SDCCAG8: variants seen among roughly 807,000 people sequenced by gnomAD.
SDCCAG8 encodes the protein serologically defined colon cancer antigen 8.
A neutral mutation model predicts 101.8 loss-of-function variants in SDCCAG8; 74 were observed. The observed-to-expected ratio is 0.73, with a 90% CI of 0.60 to 0.88. The LOEUF is 0.88. Ranked by LOEUF, SDCCAG8 falls within the 40% of genes least tolerant of loss-of-function variation. The probability of loss-of-function intolerance (pLI) is 0.00; values close to 1 mark genes in which losing one functional copy is unlikely to be tolerated. For synonymous variants in SDCCAG8, 281 were observed against 292.9 expected, an observed-to-expected ratio of 0.96 and a Z score of 0.41; for missense variants, 787 against 822.6, an observed-to-expected ratio of 0.96 and a Z score of 0.53.
At chr1:243,257,646 G>T (rs534791540) in intron 1 of SDCCAG8, among the ~76,000 whole-genome samples, 3 of 152,222 alleles carry the variant, frequency 2.0e-5, no homozygotes, top group African/African-American at 7.2e-5. Context: ...TTTTATAAGG[G>T]TTACTATGTA....
intron 12 of SDCCAG8, among the ~76,000 whole-genome samples, chr1:243,367,632 C>T (rs940322936): frequency 6.6e-6 from 1 of 151,660 alleles, no homozygotes; most frequent in Admixed American, 6.6e-5. Context: ...AGGAAGGAGT[C>T]CCAGTTTCTT....
intron 8 of SDCCAG8, among the ~76,000 whole-genome samples, chr1:243,309,440 C>G (rs556344913): frequency 9.2e-5 from 14 of 152,164 alleles, no homozygotes; most frequent in African/African-American, 3.4e-4. Flanking sequence ...TCTATACTCC[C>G]AAGAATGATC....
intron 13 of SDCCAG8, among the ~76,000 whole-genome samples, chr1:243,400,805 C>T (rs1259304686): frequency 6.6e-6 from 1 of 152,152 alleles, no homozygotes; most frequent in Non-Finnish European, 1.5e-5. Context: ...TGTGGATGCT[C>T]TCCTGTATAA....
At chr1:243,339,442 G>T (rs2075254714) in intron 10 of SDCCAG8, among the ~76,000 whole-genome samples, 1 of 152,012 alleles carries the variant, frequency 6.6e-6, no homozygotes, top group East Asian at 1.9e-4. Flanking sequence ...AAATGAAATT[G>T]ATATTTTTGA....
chr1:243,456,347 C>A (rs1052925830), intron 16 of SDCCAG8, among the ~76,000 whole-genome samples: 2 of 152,072 alleles, frequency 1.3e-5, no homozygotes, highest in African/African-American at 4.8e-5. Context: ...GGTCACTGGG[C>A]TTTTCAGGTT....
At chr1:243,383,748 A>T (rs1289434682) in intron 13 of SDCCAG8, among the ~76,000 whole-genome samples, 5 of 152,168 alleles carry the variant, frequency 3.3e-5, no homozygotes, top group Non-Finnish European at 7.4e-5. Flanking sequence ...CCACTCTATT[A>T]GAGAAAGGCA....
intron 17 of SDCCAG8, among the ~76,000 whole-genome samples, chr1:243,492,087 G>C (rs1666572429): frequency 6.6e-6 from 1 of 151,994 alleles, no homozygotes; most frequent in Non-Finnish European, 1.5e-5. Context: ...GAAGTGTCTA[G>C]CCTGTTGGCA....
intron 16 of SDCCAG8, among the ~76,000 whole-genome samples, chr1:243,436,929 C>A (rs1558467202): frequency 6.6e-6 from 1 of 152,076 alleles, no homozygotes; most frequent in Non-Finnish European, 1.5e-5. Flanking sequence ...AATTTCTGTT[C>A]TTATATCAGA....
intron 16 of SDCCAG8, among the ~76,000 whole-genome samples, chr1:243,484,062 G>C (rs1035385784): frequency 6.6e-6 from 1 of 152,142 alleles, no homozygotes; most frequent in African/African-American, 2.4e-5. Flanking sequence ...TTGCATAGCT[G>C]CCTGGTGGGT....
intron 16 of SDCCAG8, among the ~76,000 whole-genome samples, chr1:243,461,790 A>G (rs1187155408): frequency 6.6e-6 from 1 of 152,120 alleles, no homozygotes; most frequent in Non-Finnish European, 1.5e-5. Context: ...GCGTCAAGGG[A>G]GGTGTTTTCT....
intron 9 of SDCCAG8, among the ~76,000 whole-genome samples, chr1:243,327,000 C>T (rs1168883591): frequency 1.3e-5 from 2 of 152,088 alleles, no homozygotes; most frequent in South Asian, 2.1e-4. Flanking sequence ...CACAGAATGA[C>T]CACAGCTAAA....
At chr1:243,267,925 T>C (rs2067762248) in intron 1 of SDCCAG8, 1 of 834,520 alleles carries the variant, frequency 1.2e-6, no homozygotes, top group South Asian at 1.3e-5. Context: ...TGTGGTAAGG[T>C]GGGCCCAGCT....
In SDCCAG8 at chr1:243,486,628, G is replaced by A. The variant is rs192800881; in HGVS notation, c.1986-2386G>A. 2.6e-5 allele frequency among the ~76,000 whole-genome samples: 4 copies of A among 152,366 alleles called. No individual in the cohort carries two copies. The East Asian group carries it at 5.8e-4, about 22-fold the overall frequency. ...GGAGCCAGGGTGGCCGGCCGTGACC[G>A]GTGTTTATGCTGTGAGAGCGGCTTT... On this transcript the variant is annotated intron_variant, in intron 16 of 17. Coordinates refer to ENST00000366541, the MANE Select transcript of SDCCAG8 (RefSeq NM_006642.5).
At chr1:243,285,443 A>G (rs1048675289) in intron 4 of SDCCAG8, among the ~76,000 whole-genome samples, 1 of 152,220 alleles carries the variant, frequency 6.6e-6, no homozygotes, top group Non-Finnish European at 1.5e-5. Context: ...AGCTCATTAC[A>G]TTCCAGACTG....
intron 16 of SDCCAG8, among the ~76,000 whole-genome samples, chr1:243,461,955 A>G (rs1659206657): frequency 1.3e-5 from 2 of 152,106 alleles, no homozygotes; most frequent in Admixed American, 1.3e-4. Context: ...TACCTAATAT[A>G]TTTTGGTAGC....
At chr1:243,479,904 G>A (rs933343589) in intron 16 of SDCCAG8, among the ~76,000 whole-genome samples, 1 of 151,736 alleles carries the variant, frequency 6.6e-6, no homozygotes, top group African/African-American at 2.4e-5. Flanking sequence ...GTCATCCAGG[G>A]GCCTTATTAA....
intron 12 of SDCCAG8, among the ~76,000 whole-genome samples, chr1:243,347,809 A>G (rs2075807429): frequency 6.6e-6 from 1 of 152,244 alleles, no homozygotes; most frequent in African/African-American, 2.4e-5. Flanking sequence ...TTTTTTGTCA[A>G]CTTCCCTTTT....
intron 13 of SDCCAG8, among the ~76,000 whole-genome samples, chr1:243,396,458 A>C (rs189617660): frequency 3.2e-3 from 488 of 152,294 alleles, no homozygotes; most frequent in African/African-American, 0.011. Flanking sequence ...CAAAGCAGTA[A>C]TGGAGCTGTG....
chr1:243,461,315 G>A lies in SDCCAG8; in HGVS notation c.1986-27699G>A, dbSNP rs533883145. On this transcript the variant is annotated intron_variant, in intron 16 of 17. Coordinates refer to ENST00000366541, the MANE Select transcript of SDCCAG8 (RefSeq NM_006642.5). Reference sequence around the variant, plus strand: ...TACATGGATAATTTACTAAAATGCAGTCAAATGTAAGGTTGATCAAAGGGA... The same window carrying A: ...TACATGGATAATTTACTAAAATGCAATCAAATGTAAGGTTGATCAAAGGGA... 7.0e-4 allele frequency among the ~76,000 whole-genome samples: 107 copies of A among 152,324 alleles called. 1 individual carries two copies. Among genetic ancestry groups the A allele is most frequent in the African/African-American group, 2.5e-3 (106 of 41,572 alleles).
Sources: gnomAD v4.1 joint callset for allele counts (sites outside exome capture counted in the v4.1 genomes callset) on GRCh38, gnomAD v4.1.1 for gene constraint, MANE v1.5 for transcripts, NCBI Gene and HGNC (gene_info 2026-07-23, HGNC 2026-07-21) for gene names.